The following GPC6 variants were observed in gnomAD, a reference collection of about 807,000 sequenced individuals.
GPC6 encodes glypican-6.
GPC6 carries 14 observed loss-of-function variants against 55.2 expected under a neutral mutation model. The observed-to-expected ratio is 0.25, with a 90% CI of 0.17 to 0.40. The LOEUF (loss-of-function observed/expected upper bound fraction) is 0.40. Among genes scored for constraint, GPC6 ranks in the 10% least tolerant of loss-of-function variants. GPC6 has a pLI of 1.00. For missense variants in GPC6, 641 were observed against 708.5 expected (o/e 0.90, Z 1.08); for synonymous variants, 278 against 259.6 (o/e 1.07, Z -0.68).
At chr13:94,076,960 GTT>G (rs56870429) in intron 4 of GPC6, among the ~76,000 whole-genome samples, 37,411 of 125,712 alleles carry the variant, frequency 0.3, 4,767 homozygotes, top group Middle Eastern at 0.4. Context: ...TGGTGCTTCT[GTT>G]TTTTTTTTTT....
chr13:94,226,507 G>A (rs572528759), intron 4 of GPC6, among the ~76,000 whole-genome samples: 3 of 152,278 alleles, frequency 2.0e-5, no homozygotes, highest in South Asian at 2.1e-4. Context: ...AATACACCAT[G>A]TGTACATGTA....
chr13:93,510,963 ATATATATGTG>A (rs1402048842), intron 1 of GPC6, among the ~76,000 whole-genome samples: 1 of 97,746 alleles, frequency 1.0e-5, no homozygotes, highest in African/African-American at 3.6e-5. Flanking sequence ...ATATATATAT[ATATATATGTG>A]TATATATATA....
chr13:94,228,328 T>C (rs1269927303), intron 4 of GPC6, among the ~76,000 whole-genome samples: 1 of 152,180 alleles, frequency 6.6e-6, no homozygotes, highest in African/African-American at 2.4e-5. Context: ...ATGTGCTTTA[T>C]ATATTTTTCA....
chr13:93,272,385 G>T (rs1787348275), intron 1 of GPC6, among the ~76,000 whole-genome samples: 1 of 151,284 alleles, frequency 6.6e-6, no homozygotes, highest in African/African-American at 2.4e-5. Context: ...AAATTCCAAT[G>T]ATAGTCACTT....
At chr13:94,082,864 G>C (rs568479451) in intron 4 of GPC6, among the ~76,000 whole-genome samples, 1 of 152,060 alleles carries the variant, frequency 6.6e-6, no homozygotes, top group Non-Finnish European at 1.5e-5. Flanking sequence ...TCATCAATTC[G>C]TCTCTAGTAA....
At chr13:93,918,785 T>G (rs530878222) in intron 3 of GPC6, among the ~76,000 whole-genome samples, 16 of 152,298 alleles carry the variant, frequency 1.1e-4, no homozygotes, top group African/African-American at 3.8e-4. Flanking sequence ...ACCACACATA[T>G]CTATTTCAAG....
chr13:93,266,350 T>C (rs1877325657), intron 1 of GPC6, among the ~76,000 whole-genome samples: 1 of 152,180 alleles, frequency 6.6e-6, no homozygotes, highest in Non-Finnish European at 1.5e-5. Flanking sequence ...TTTGCTAATA[T>C]TCATGGTGGT....
At chr13:93,472,444 G>A (rs373884832) in intron 1 of GPC6, among the ~76,000 whole-genome samples, 29 of 152,320 alleles carry the variant, frequency 1.9e-4, no homozygotes, top group South Asian at 8.3e-4. Context: ...CTGTAGACAC[G>A]CTGGCTGCTG....
intron 4 of GPC6, among the ~76,000 whole-genome samples, chr13:94,087,070 A>G (rs1885310430): frequency 6.6e-6 from 1 of 152,230 alleles, no homozygotes; most frequent in African/African-American, 2.4e-5. Flanking sequence ...TGGTTAAGGA[A>G]AAGTTCTCTC....
intron 2 of GPC6, among the ~76,000 whole-genome samples, chr13:93,779,439 TACAG>T: frequency 6.6e-6 from 1 of 152,208 alleles, no homozygotes; most frequent in Non-Finnish European, 1.5e-5. Context: ...ATATTGAGAC[TACAG>T]ACAACTTGGA....
intron 6 of GPC6, among the ~76,000 whole-genome samples, chr13:94,353,782 T>C (rs991985657): frequency 4.6e-5 from 7 of 152,172 alleles, no homozygotes; most frequent in African/African-American, 1.4e-4. Flanking sequence ...ATTTATTAAA[T>C]TACGGAACTA....
chr13:93,736,688 T>C (rs752094489), intron 2 of GPC6, among the ~76,000 whole-genome samples: 5 of 152,192 alleles, frequency 3.3e-5, no homozygotes. Context: ...ACAAATAAAT[T>C]TGATGTATTT....
intron 2 of GPC6, among the ~76,000 whole-genome samples, chr13:93,825,165 G>T (rs962913792): frequency 3.9e-5 from 6 of 152,100 alleles, no homozygotes; most frequent in Non-Finnish European, 8.8e-5. Flanking sequence ...GAGTGAGAGT[G>T]GTCTTGTCCC....
intron 6 of GPC6, among the ~76,000 whole-genome samples, chr13:94,370,601 T>A (rs1337629034): frequency 6.6e-6 from 1 of 152,236 alleles, no homozygotes; most frequent in African/African-American, 2.4e-5. Flanking sequence ...TACATTTTCT[T>A]GTCTCATTAA....
At chr13:94,101,163 T>C (rs145946897) in intron 4 of GPC6, among the ~76,000 whole-genome samples, 2 of 152,336 alleles carry the variant, frequency 1.3e-5, no homozygotes, top group Non-Finnish European at 2.9e-5. Flanking sequence ...TTTACCAGGC[T>C]TCTGTTTTAA....
intron 1 of GPC6, among the ~76,000 whole-genome samples, chr13:93,336,351 T>A (rs1002752767): frequency 1.3e-5 from 2 of 152,254 alleles, no homozygotes; most frequent in Non-Finnish European, 2.9e-5. Flanking sequence ...AGGGTTCCCC[T>A]TATATAATAA....
At chr13:93,910,341 T>A (rs191903676) in intron 3 of GPC6, among the ~76,000 whole-genome samples, 2 of 152,220 alleles carry the variant, frequency 1.3e-5, no homozygotes, top group African/African-American at 4.8e-5. Flanking sequence ...TCTTCCACCA[T>A]GATTGTGAGG....
intron 6 of GPC6, among the ~76,000 whole-genome samples, chr13:94,337,383 G>T (rs574264785): frequency 5.9e-5 from 9 of 152,196 alleles, no homozygotes; most frequent in African/African-American, 2.2e-4. Flanking sequence ...GCAGAGTCAG[G>T]ACTTGGAGCT....
At chr13:93,898,386 A>C (rs1233307359) in intron 3 of GPC6, among the ~76,000 whole-genome samples, 1 of 152,168 alleles carries the variant, frequency 6.6e-6, no homozygotes, top group Non-Finnish European at 1.5e-5. Flanking sequence ...AGACAGGAAA[A>C]TGCCATGCCA....
Sources: gnomAD v4.1 joint callset for allele counts (sites outside exome capture counted in the v4.1 genomes callset) on GRCh38, gnomAD v4.1.1 for gene constraint, MANE v1.5 for transcripts, NCBI Gene and HGNC (gene_info 2026-07-23, HGNC 2026-07-21) for gene names.